TSHZ2: variants seen among roughly 807,000 people sequenced by gnomAD.
The protein encoded by TSHZ2 is teashirt homolog 2.
A neutral mutation model predicts 74.4 loss-of-function variants in TSHZ2; 21 were observed. The ratio of observed to expected loss-of-function variants is 0.28; its 90% CI spans 0.20 to 0.41. The LOEUF (loss-of-function observed/expected upper bound fraction) is 0.41. TSHZ2 is among the 10% of genes least tolerant of loss of function. The pLI, the probability that TSHZ2 is intolerant of heterozygous loss-of-function variation, is 1.00. For synonymous variants in TSHZ2, 540 were observed against 515.3 expected, an observed-to-expected ratio of 1.05 and a Z score of -0.65; for missense variants, 1,244 against 1,293.5, an observed-to-expected ratio of 0.96 and a Z score of 0.59.
chr20:53,281,212 A>G (rs1437758105), intron 2 of TSHZ2, among the ~76,000 whole-genome samples: 1 of 152,226 alleles, frequency 6.6e-6, no homozygotes, highest in Non-Finnish European at 1.5e-5. Flanking sequence ...ATGGGTGGTC[A>G]GAAAAGTCTT....
chr20:53,369,853 A>G (rs1261106204), intron 2 of TSHZ2, among the ~76,000 whole-genome samples: 2 of 152,248 alleles, frequency 1.3e-5, no homozygotes, highest in East Asian at 3.8e-4. Flanking sequence ...TAGGGCCAGC[A>G]TAGTTTTTAT....
intron 1 of TSHZ2, among the ~76,000 whole-genome samples, 153 bp downstream of exon 1, chr20:52,973,486 C>T (rs931569586): frequency 1.5e-4 from 23 of 152,180 alleles, no homozygotes; most frequent in African/African-American, 5.5e-4. Flanking sequence ...CTCTCGCCTT[C>T]TCTGGTCTCC....
intron 1 of TSHZ2, among the ~76,000 whole-genome samples, chr20:53,017,058 A>G (rs1895733125): frequency 1.3e-5 from 2 of 152,176 alleles, no homozygotes; most frequent in African/African-American, 2.4e-5. Flanking sequence ...GCCTTATACA[A>G]TTGAAGAACA....
chr20:53,296,035 CAAA>C (rs35311773), intron 2 of TSHZ2, among the ~76,000 whole-genome samples: 58 of 97,840 alleles, frequency 5.9e-4, no homozygotes, highest in Middle Eastern at 5.4e-3. Context: ...GTAATGACTG[CAAA>C]AAAAAAAAAA....
At chr20:53,429,746 A>T (rs954659640) in intron 2 of TSHZ2, among the ~76,000 whole-genome samples, 3 of 152,204 alleles carry the variant, frequency 2.0e-5, no homozygotes, top group Non-Finnish European at 4.4e-5. Context: ...TTGACCCTGA[A>T]GGTACACAGA....
intron 2 of TSHZ2, among the ~76,000 whole-genome samples, chr20:53,455,058 G>A (rs974639706): frequency 6.6e-6 from 1 of 151,914 alleles, no homozygotes; most frequent in African/African-American, 2.4e-5. Context: ...TGGAGAGATA[G>A]ATGAGATTGA....
At position 53,423,295 on chromosome 20, in the gene TSHZ2, A is replaced by T. The variant is rs112922694; in HGVS notation, c.*9-63849A>T. Among the ~76,000 whole-genome samples, 13 of 152,212 alleles carry T rather than the reference A, an allele frequency of 8.5e-5. No individual in the cohort carries two copies. The East Asian group carries it at 2.3e-3, about 27-fold the overall frequency. ...GCTTTCAGGAAGGCTGAGGCAGGAG[A>T]ATCACTTGAGCCCAGGAAGCAGAGG... On this transcript the variant is annotated intron_variant, in intron 2 of 2. Coordinates refer to ENST00000371497, the MANE Select transcript of TSHZ2 (RefSeq NM_173485.6).
intron 2 of TSHZ2, among the ~76,000 whole-genome samples, chr20:53,427,464 G>A (rs982250454): frequency 3.3e-5 from 5 of 151,798 alleles, no homozygotes; most frequent in Non-Finnish European, 7.4e-5. Flanking sequence ...AGAATCTGTA[G>A]GGGGAAAAAA....
chr20:53,402,799 C>T (rs887861801), intron 2 of TSHZ2, among the ~76,000 whole-genome samples: 1 of 152,120 alleles, frequency 6.6e-6, no homozygotes, highest in Non-Finnish European at 1.5e-5. Flanking sequence ...GGTGCTTCTG[C>T]CCCAAGTGGG....
At chr20:53,246,740 C>G (rs1188582296) in intron 1 of TSHZ2, among the ~76,000 whole-genome samples, 2 of 152,206 alleles carry the variant, frequency 1.3e-5, no homozygotes, top group Admixed American at 1.3e-4. Flanking sequence ...CTTCTCCTGA[C>G]TTAAACTAGC....
intron 2 of TSHZ2, among the ~76,000 whole-genome samples, chr20:53,257,228 G>T (rs1990501782): frequency 6.6e-6 from 1 of 152,190 alleles, no homozygotes; most frequent in Non-Finnish European, 1.5e-5. Flanking sequence ...ATTCTTCTTT[G>T]CAGAACATTG....
At chr20:53,151,494 A>G (rs1205321557) in intron 1 of TSHZ2, among the ~76,000 whole-genome samples, 3 of 152,212 alleles carry the variant, frequency 2.0e-5, no homozygotes, top group Admixed American at 6.5e-5. Context: ...AGAATATGGT[A>G]CATATACCAT....
chr20:53,429,546 C>T (rs184362409), intron 2 of TSHZ2, among the ~76,000 whole-genome samples: 97 of 152,300 alleles, frequency 6.4e-4, no homozygotes, highest in Middle Eastern at 3.4e-3. Flanking sequence ...TGAGACATGC[C>T]TTTCACCTTT....
At chr20:53,481,367 T>C (rs1472264584) in intron 2 of TSHZ2, among the ~76,000 whole-genome samples, 2 of 151,088 alleles carry the variant, frequency 1.3e-5, no homozygotes, top group Non-Finnish European at 3.0e-5. Flanking sequence ...AGTTCAGGAG[T>C]TCAAGACTAG....
At chr20:53,061,049 C>G (rs572039593) in intron 1 of TSHZ2, among the ~76,000 whole-genome samples, 1 of 152,304 alleles carries the variant, frequency 6.6e-6, no homozygotes, top group Admixed American at 6.5e-5. Flanking sequence ...GGTACAAGAT[C>G]TTACTAAAGG....
intron 2 of TSHZ2, among the ~76,000 whole-genome samples, chr20:53,443,695 C>T (rs1321927381): frequency 1.3e-5 from 2 of 152,214 alleles, no homozygotes; most frequent in Non-Finnish European, 2.9e-5. Flanking sequence ...TTGGCAGTCA[C>T]ACCCAAGTAG....
At chr20:53,291,300 A>G (rs1031177008) in intron 2 of TSHZ2, among the ~76,000 whole-genome samples, 2 of 151,936 alleles carry the variant, frequency 1.3e-5, no homozygotes, top group African/African-American at 4.8e-5. Flanking sequence ...GGTGAAACCC[A>G]GTCTCTACTA....
At chr20:53,241,207 C>A (rs1029508410) in intron 1 of TSHZ2, among the ~76,000 whole-genome samples, 1 of 152,186 alleles carries the variant, frequency 6.6e-6, no homozygotes, top group African/African-American at 2.4e-5. Flanking sequence ...ATTCTCCAAA[C>A]TGTCCATTCA....
intron 1 of TSHZ2, among the ~76,000 whole-genome samples, chr20:53,106,699 TTTTTTTTG>T (rs200848944): frequency 0.073 from 10,006 of 137,406 alleles, 416 homozygotes; most frequent in Non-Finnish European, 0.1. Flanking sequence ...CGCAGGGCAT[TTTTTTTTG>T]TTTTTTTTTT....
Sources: gnomAD v4.1 joint callset for allele counts (sites outside exome capture counted in the v4.1 genomes callset) on GRCh38, gnomAD v4.1.1 for gene constraint, MANE v1.5 for transcripts, NCBI Gene and HGNC (gene_info 2026-07-23, HGNC 2026-07-21) for gene names.